The following B4GALT5 variants were observed in gnomAD, a reference collection of about 807,000 sequenced individuals.
The protein encoded by B4GALT5 is UDP-Gal:beta-GlcNAc beta-1,4-galactosyltransferase 5.
A neutral mutation model predicts 45.0 loss-of-function variants in B4GALT5; 11 were observed. The ratio of observed to expected loss-of-function variants is 0.24; its 90% confidence interval spans 0.15 to 0.40. B4GALT5 has a LOEUF of 0.40. Among genes scored for constraint, B4GALT5 ranks in the 10% least tolerant of loss-of-function variants. The pLI is 1.00. For missense variants in B4GALT5, 337 were observed against 500.2 expected, an observed-to-expected ratio of 0.67 and a Z score of 3.11; for synonymous variants, 185 against 182.9, an observed-to-expected ratio of 1.01 and a Z score of -0.09.
intron 1 of B4GALT5, among the ~76,000 whole-genome samples, chr20:49,700,714 G>A (rs1023051657): frequency 2.0e-5 from 3 of 152,212 alleles, no homozygotes; most frequent in African/African-American, 7.2e-5. Context: ...TACTAAATGT[G>A]TATACAGCGT....
chr20:49,684,495 A>G, intron 1 of B4GALT5: 1 of 496,606 alleles, frequency 2.0e-6, no homozygotes, highest in Non-Finnish European at 4.0e-6. Context: ...CCCAGGAGGC[A>G]GAGCTTGCAG....
At chr20:49,637,986 A>C (rs2085561098) in intron 7 of B4GALT5, among the ~76,000 whole-genome samples, 1 of 151,798 alleles carries the variant, frequency 6.6e-6, no homozygotes. Context: ...AAATAGAATC[A>C]AAATGGGGAT....
chr20:49,663,688 AAAATATATACATATATAT>A (rs2085675438), intron 1 of B4GALT5, among the ~76,000 whole-genome samples: 6 of 106,924 alleles, frequency 5.6e-5, no homozygotes, highest in African/African-American at 1.9e-4. Context: ...AAAAAAAAAA[AAAATATATACATATATAT>A]ATATATATAT....
At chr20:49,663,595 T>TTGGGAGGCTGAAG (rs1460867264) in intron 1 of B4GALT5, among the ~76,000 whole-genome samples, 1 of 148,818 alleles carries the variant, frequency 6.7e-6, no homozygotes, top group Non-Finnish European at 1.5e-5. Context: ...TCCCAGCTGC[T>TTGGGAGGCTGAAG]TGGGAGGCTG....
chr20:49,686,890 C>A (rs1405106637), intron 1 of B4GALT5, among the ~76,000 whole-genome samples: 1 of 151,822 alleles, frequency 6.6e-6, no homozygotes, highest in Admixed American at 6.6e-5. Context: ...CACAGCGAGA[C>A]CCCATCTTTA....
intron 1 of B4GALT5, among the ~76,000 whole-genome samples, chr20:49,674,479 T>C (rs968217296): frequency 6.6e-6 from 1 of 152,084 alleles, no homozygotes; most frequent in Non-Finnish European, 1.5e-5. Flanking sequence ...TGGTGGCTCA[T>C]GCCTGTAATC....
intron 2 of B4GALT5, 51 bp from the exon 3 acceptor site, chr20:49,647,129 G>T: frequency 8.6e-7 from 1 of 1,166,962 alleles, no homozygotes; most frequent in Non-Finnish European, 1.3e-6. Flanking sequence ...GTGATCAACC[G>T]TGCAATTATC....
At chr20:49,713,119 C>T (rs539670587) in intron 1 of B4GALT5, among the ~76,000 whole-genome samples, 1 of 151,430 alleles carries the variant, frequency 6.6e-6, no homozygotes, top group African/African-American at 2.4e-5. Flanking sequence ...CGGCCTGGGA[C>T]CCGGGCACAT....
intron 1 of B4GALT5, among the ~76,000 whole-genome samples, chr20:49,703,698 G>A (rs2085872122): frequency 6.7e-6 from 1 of 149,466 alleles, no homozygotes. Context: ...AGACCAGCCT[G>A]GCTAACACGG....
chr20:49,659,487 C>T (rs900192694), intron 1 of B4GALT5, among the ~76,000 whole-genome samples: 5 of 152,168 alleles, frequency 3.3e-5, no homozygotes, highest in African/African-American at 1.2e-4. Flanking sequence ...ACAACTGTCT[C>T]GTGTTAGTCT....
At chr20:49,642,179 G>C (rs1238818236) in intron 5 of B4GALT5, among the ~76,000 whole-genome samples, 2 of 152,080 alleles carry the variant, frequency 1.3e-5, no homozygotes, top group Admixed American at 1.3e-4. Context: ...ATCTTAAGGG[G>C]AACTTCCTGG....
At chr20:49,676,015 T>A (rs1011867114) in intron 1 of B4GALT5, among the ~76,000 whole-genome samples, 1 of 152,000 alleles carries the variant, frequency 6.6e-6, no homozygotes, top group Non-Finnish European at 1.5e-5. Context: ...GGTTAGAGTT[T>A]TTATTATTGC....
chr20:49,661,144 G>T (rs971178254), intron 1 of B4GALT5, among the ~76,000 whole-genome samples: 1 of 152,200 alleles, frequency 6.6e-6, no homozygotes, highest in African/African-American at 2.4e-5. Flanking sequence ...TCCTCCAGGG[G>T]GTAATTTGCC....
chr20:49,687,168 A>G (rs552916463), intron 1 of B4GALT5, among the ~76,000 whole-genome samples: 1 of 152,302 alleles, frequency 6.6e-6, no homozygotes, highest in East Asian at 1.9e-4. Flanking sequence ...GCTGCAAAAC[A>G]TCCTACAAGG....
intron 8 of B4GALT5, 126 bp from the exon 9 acceptor site, chr20:49,636,585 G>A: frequency 9.2e-7 from 1 of 1,083,720 alleles, no homozygotes; most frequent in African/African-American, 1.6e-5. Context: ...GCAGCACAAG[G>A]TGGGCGCACG....
intron 5 of B4GALT5, among the ~76,000 whole-genome samples, chr20:49,641,912 G>A (rs1223498912): frequency 6.6e-6 from 1 of 151,888 alleles, no homozygotes; most frequent in Non-Finnish European, 1.5e-5. Context: ...TCCATCTAAA[G>A]GCAAATAAAA....
At chr20:49,675,813 C>T (rs973342239) in intron 1 of B4GALT5, among the ~76,000 whole-genome samples, 11 of 152,094 alleles carry the variant, frequency 7.2e-5, no homozygotes, top group African/African-American at 2.2e-4. Flanking sequence ...GCCAACTGTC[C>T]GTTTCACAAT....
At chr20:49,671,803 G>A (rs572768836) in intron 1 of B4GALT5, among the ~76,000 whole-genome samples, 2 of 152,200 alleles carry the variant, frequency 1.3e-5, no homozygotes, top group East Asian at 1.9e-4. Context: ...TCTACTTTAT[G>A]AGCACCCTTT....
chr20:49,709,497 C>T (rs939861531), intron 1 of B4GALT5, among the ~76,000 whole-genome samples: 2 of 152,166 alleles, frequency 1.3e-5, no homozygotes, highest in African/African-American at 2.4e-5. Context: ...CCCGGCCAGG[C>T]ACGGTGGCTC....
Sources: allele counts gnomAD v4.1 joint callset (sites outside exome capture counted in the v4.1 genomes callset), GRCh38; gene constraint gnomAD v4.1.1; transcripts MANE v1.5; gene names NCBI Gene and HGNC (gene_info 2026-07-23, HGNC 2026-07-21).